BANK1: variants seen among roughly 807,000 people sequenced by gnomAD.
BANK1 encodes the protein B-cell scaffold protein with ankyrin repeats.
Under a neutral mutation model 94.5 loss-of-function variants are expected in BANK1, and 95 were observed. That is an observed-to-expected ratio of 1.00 (90% CI 0.85 to 1.19). The LOEUF (loss-of-function observed/expected upper bound fraction) is 1.19. Ranked by LOEUF, BANK1 falls within the 50% of genes most tolerant of loss-of-function variation. The pLI, the probability that BANK1 is intolerant of heterozygous loss-of-function variation, is 0.00. For synonymous variants in BANK1, 334 were observed against 308.4 expected (o/e 1.08, Z -0.87); for missense variants, 987 against 932.2 (o/e 1.06, Z -0.77).
chr4:101,934,386 A>G (rs1723458297), intron 7 of BANK1, among the ~76,000 whole-genome samples: 1 of 151,442 alleles, frequency 6.6e-6, no homozygotes, highest in South Asian at 2.1e-4. Flanking sequence ...GATGAGAAAC[A>G]GACAATTGGG....
At chr4:102,063,831 A>G (rs908980000) in intron 13 of BANK1, among the ~76,000 whole-genome samples, 1 of 151,912 alleles carries the variant, frequency 6.6e-6, no homozygotes, top group Non-Finnish European at 1.5e-5. Flanking sequence ...AAAAAAAAAA[A>G]AAAAGAAATG....
intron 7 of BANK1, among the ~76,000 whole-genome samples, chr4:101,962,529 T>A (rs1309773430): frequency 6.6e-6 from 1 of 152,174 alleles, no homozygotes; most frequent in African/African-American, 2.4e-5. Context: ...TTCATCAGTC[T>A]GTTCTATTGA....
intron 7 of BANK1, among the ~76,000 whole-genome samples, chr4:101,943,930 A>G (rs1723837099): frequency 6.6e-6 from 1 of 151,788 alleles, no homozygotes; most frequent in Non-Finnish European, 1.5e-5. Context: ...TAAAATGGTA[A>G]TAATAGTTAA....
Position 101,888,654 on chromosome 4 carries a change from A to G in BANK1, c.904-6651A>G, listed in dbSNP as rs189243346. On this transcript the variant is annotated intron_variant, in intron 5 of 16. Transcript: ENST00000322953. ...TGCGTGTTACTGAATTTTTTGTATCATGCTTATCACCTCTATAAAAGTAGA... is the reference window on the plus strand; with the variant it reads ...TGCGTGTTACTGAATTTTTTGTATCGTGCTTATCACCTCTATAAAAGTAGA... Among the ~76,000 whole-genome samples the G allele has an allele frequency of 1.9e-3, 294 of 152,340 alleles. 1 individual carries two copies. Among genetic ancestry groups the G allele is most frequent in the African/African-American group, 6.7e-3 (277 of 41,580 alleles).
intron 2 of BANK1, among the ~76,000 whole-genome samples, chr4:101,847,736 TACACACACACACACAC>T (rs35196238): frequency 1.5e-3 from 224 of 145,878 alleles, no homozygotes; most frequent in Middle Eastern, 7.0e-3. Flanking sequence ...TATTCCATCA[TACACACACACACACAC>T]ACACACACAC....
At chr4:102,016,137 T>A (rs1171976392) in intron 7 of BANK1, among the ~76,000 whole-genome samples, 1 of 152,234 alleles carries the variant, frequency 6.6e-6, no homozygotes, top group Non-Finnish European at 1.5e-5. Context: ...AGATTTAATA[T>A]CATCTATTCT....
At position 102,029,958 on chromosome 4, in the gene BANK1, A is replaced by G. The variant is rs774608739; in HGVS notation, c.1595-2A>G. The G allele has an allele frequency of 1.9e-6, 3 of 1,593,698 alleles. No homozygotes were observed. Among genetic ancestry groups the G allele is most frequent in the Non-Finnish European group, 2.6e-6 (3 of 1,173,764 alleles). The stretch of plus-strand genomic sequence containing the variant: ...AACACCATGTAAATATTTCATAAAC[A>G]GGGACAATGGTGGAAGGCCAAATGG... On this transcript the variant is annotated splice_acceptor_variant, in intron 9 of 16. Coordinates refer to ENST00000322953, the MANE Select transcript of BANK1 (RefSeq NM_017935.5). LOFTEE classifies it high-confidence loss of function.
intron 11 of BANK1, among the ~76,000 whole-genome samples, chr4:102,053,395 A>T (rs1415179876): frequency 6.6e-6 from 1 of 152,172 alleles, no homozygotes; most frequent in Non-Finnish European, 1.5e-5. Flanking sequence ...ACTTTAACTT[A>T]CATTTTCTAC....
chr4:101,801,298 A>G (rs1429028743), intron 1 of BANK1, among the ~76,000 whole-genome samples: 1 of 152,194 alleles, frequency 6.6e-6, no homozygotes, highest in Non-Finnish European at 1.5e-5. Flanking sequence ...TATTTGATGA[A>G]ATAAAATTAG....
chr4:101,849,910 CTGTT>C (rs770173392), intron 2 of BANK1, among the ~76,000 whole-genome samples: 1 of 152,060 alleles, frequency 6.6e-6, no homozygotes, highest in Non-Finnish European at 1.5e-5. Context: ...TTTTCTATGT[CTGTT>C]TGATACAAAA....
chr4:101,897,768 C>T (rs1722137526), intron 6 of BANK1, among the ~76,000 whole-genome samples: 1 of 151,928 alleles, frequency 6.6e-6, no homozygotes, highest in African/African-American at 2.4e-5. Context: ...GTTACAGTTT[C>T]CCAGGTGATT....
chr4:101,915,430 T>TA (rs1722795486), intron 6 of BANK1, among the ~76,000 whole-genome samples: 1 of 152,270 alleles, frequency 6.6e-6, no homozygotes, highest in African/African-American at 2.4e-5. Flanking sequence ...GAAGTTTATT[T>TA]AGCAAGAAGA....
At chr4:102,024,670 T>C (rs2850391) in intron 8 of BANK1, among the ~76,000 whole-genome samples, 20,331 of 151,964 alleles carry the variant, frequency 0.13, 1,522 homozygotes, top group Admixed American at 0.21. Flanking sequence ...AAGTAATAGC[T>C]CCAAAGTTAA....
At chr4:101,821,265 A>G (rs575773846) in intron 1 of BANK1, among the ~76,000 whole-genome samples, 16 of 152,144 alleles carry the variant, frequency 1.1e-4, no homozygotes, top group African/African-American at 2.9e-4. Context: ...AAAAGTGTCT[A>G]TTCATGTCCT....
Position 101,895,389 on chromosome 4 carries a change from G to A in BANK1, c.988G>A (p.Glu330Lys). 1 of 1,585,568 alleles carries A rather than the reference G, an allele frequency of 6.3e-7. No homozygotes were observed. Among genetic ancestry groups the A allele is most frequent in the Non-Finnish European group, 8.6e-7 (1 of 1,161,746 alleles). The change falls in exon 6 of 17, where the codon GAA becomes AAA. Residue 330 changes from glutamate to lysine, a missense_variant. Physicochemically the swap from Glu to Lys is moderately conservative, Grantham distance 56. Transcript: ENST00000322953. Reference protein sequence around the residue: ...PYYEFQSLQTEICSQNKYTHF... With the variant: ...PYYEFQSLQTKICSQNKYTHF... ...TTATGAGTTCCAGTCTCTTCAAACT[G>A]AAATTTGTTCTCAAAACAAATGTGA...
intron 5 of BANK1, among the ~76,000 whole-genome samples, chr4:101,871,776 G>A (rs980593328): frequency 2.0e-5 from 3 of 152,024 alleles, no homozygotes; most frequent in Non-Finnish European, 4.4e-5. Flanking sequence ...GATTAATAAA[G>A]GTAATATATT....
chr4:101,957,394 G>C (rs973813352), intron 7 of BANK1, among the ~76,000 whole-genome samples: 2 of 152,118 alleles, frequency 1.3e-5, no homozygotes, highest in African/African-American at 4.8e-5. Context: ...GCAAACTACT[G>C]TCTTGTGATT....
chr4:101,961,075 A>G (rs1724551843), intron 7 of BANK1, among the ~76,000 whole-genome samples: 1 of 152,202 alleles, frequency 6.6e-6, no homozygotes, highest in African/African-American at 2.4e-5. Context: ...CTCCTTTCCC[A>G]GTTTTTGATC....
At chr4:101,864,169 C>T (rs1048995367) in intron 4 of BANK1, among the ~76,000 whole-genome samples, 1 of 152,148 alleles carries the variant, frequency 6.6e-6, no homozygotes, top group South Asian at 2.1e-4. Context: ...TTTAAGTATT[C>T]GTTTCAACTG....
Sources: allele counts gnomAD v4.1 joint callset (sites outside exome capture counted in the v4.1 genomes callset), GRCh38; gene constraint gnomAD v4.1.1; transcripts MANE v1.5; gene names NCBI Gene and HGNC (gene_info 2026-07-23, HGNC 2026-07-21).